RFXANK: variants seen among roughly 807,000 people sequenced by gnomAD.
RFXANK encodes the protein regulatory factor X associated ankyrin containing protein, also known as DNA-binding protein RFXANK.
A neutral mutation model predicts 34.5 loss-of-function variants in RFXANK; 19 were observed. The observed-to-expected ratio is 0.55, with a 90% CI of 0.38 to 0.81. RFXANK has a LOEUF of 0.81. Ranked by LOEUF, RFXANK falls within the 30% of genes least tolerant of loss-of-function variation. The pLI, the probability that RFXANK is intolerant of heterozygous loss-of-function variation, is 0.00. For missense variants in RFXANK, 295 were observed against 343.5 expected (o/e 0.86, Z 1.12); for synonymous variants, 154 against 149.8 (o/e 1.03, Z -0.20).
chr19:19,196,915 C>T (rs950154435), intron 3 of RFXANK, 48 bp from the exon 4 acceptor site: 1 of 1,533,196 alleles, frequency 6.5e-7, no homozygotes, highest in Non-Finnish European at 9.0e-7. Flanking sequence ...CCTGAAGCCT[C>T]AGAGACATCT....
rs1448099085 is a variant in RFXANK, at chr19:19,198,090, C to A, written c.439-17C>A. The A allele has an allele frequency of 1.9e-6, 3 of 1,613,652 alleles. No individual in the cohort carries two copies. The highest frequency in any genetic ancestry group is 1.7e-6 in the Non-Finnish European group (2 of 1,180,006). On this transcript the variant is annotated splice_polypyrimidine_tract_variant and intron_variant, in intron 6 of 9. Transcript: ENST00000303088. Reference sequence around the variant, plus strand: ...TGCCCCAATCCATCCTACCACTGTCCCTTCTTCTCCCTGCAGGGTGCCGAC... The same window carrying A: ...TGCCCCAATCCATCCTACCACTGTCACTTCTTCTCCCTGCAGGGTGCCGAC...
At chr19:19,199,902 T>G (rs960794964) in intron 9 of RFXANK, among the ~76,000 whole-genome samples, 58 of 152,180 alleles carry the variant, frequency 3.8e-4, no homozygotes, top group African/African-American at 1.3e-3. Flanking sequence ...ATGGTAGAGA[T>G]GGGGTGCTTA....
Position 19,194,152 on chromosome 19 carries a change from G to T in RFXANK, c.187+19G>T, listed in dbSNP as rs1465042264. The stretch of plus-strand genomic sequence containing the variant: ...CCACAGGGTAGGATACCTCCTCTGG[G>T]ATTAGCCCTCTGGGATTCCATGATG... On this transcript the variant is annotated intron_variant, in intron 3 of 9. Coordinates refer to ENST00000303088, the MANE Select transcript of RFXANK (RefSeq NM_003721.4). 6.2e-7 allele frequency: 1 copy of T among 1,612,446 alleles called. No homozygotes were observed. Among genetic ancestry groups the T allele is most frequent in the East Asian group, 2.2e-5 (1 of 44,894 alleles).
At position 19,201,816 on chromosome 19, in the gene RFXANK, T is replaced by A; in HGVS notation, c.*97T>A. 6.2e-7 allele frequency: 1 copy of A among 1,612,154 alleles called. No homozygotes were observed. The highest frequency in any genetic ancestry group is 8.5e-7 in the Non-Finnish European group (1 of 1,179,084). Reference sequence around the variant, plus strand: ...ACTTCAAAGGCAGCTTCTGGACAGGTGGTGGGAGGGGACCCTTCCCAAGAG... The same window carrying A: ...ACTTCAAAGGCAGCTTCTGGACAGGAGGTGGGAGGGGACCCTTCCCAAGAG... On this transcript the variant is annotated 3_prime_UTR_variant, in exon 10 of 10. Transcript: ENST00000303088.
At position 19,201,706 on chromosome 19, in the gene RFXANK, C is replaced by T; in HGVS notation, c.770C>T (p.Ala257Val). Reference sequence around the variant, plus strand: ...CTCTTCCAGAGCAACCTGGTGCCCGCTGACCCTGAGTGAAGGCCGCCTGCC... The same window carrying T: ...CTCTTCCAGAGCAACCTGGTGCCCGTTGACCCTGAGTGAAGGCCGCCTGCC... ...LKLFQSNLVP[A>V]DPE is the part of the protein sequence containing the mutation. Residue 257 changes from alanine to valine, a missense_variant, in exon 10 of 10, where the codon GCT becomes GTT. Coordinates refer to ENST00000303088, the MANE Select transcript of RFXANK (RefSeq NM_003721.4). 6.2e-7 allele frequency: 1 copy of T among 1,614,134 alleles called. No homozygotes were observed. The highest frequency in any genetic ancestry group is 8.5e-7 in the Non-Finnish European group (1 of 1,180,024).
rs1568586226 is a variant in RFXANK, at chr19:19,201,748, A to C, written c.*29A>C. The stretch of plus-strand genomic sequence containing the variant: ...CCGCCTGCCGGGGACTCAGACACTC[A>C]GGGAACAAAATGGTCAGCCAGAGCT... On this transcript the variant is annotated 3_prime_UTR_variant, in exon 10 of 10. Coordinates refer to ENST00000303088, the MANE Select transcript of RFXANK (RefSeq NM_003721.4). 1 of 1,613,734 alleles carries C rather than the reference A, an allele frequency of 6.2e-7. No individual in the cohort carries two copies. The highest frequency in any genetic ancestry group is 1.7e-5 in the Admixed American group (1 of 60,022).
chr19:19,194,178 A>T lies in RFXANK; in HGVS notation c.187+45A>T, dbSNP rs757159577. ...ATTAGCCCTCTGGGATTCCATGATG[A>T]TGGAATGTCAGGCCTCACATGGAAC... On this transcript the variant is annotated intron_variant, in intron 3 of 9. Transcript: ENST00000303088. 6.3e-6 allele frequency: 10 copies of T among 1,583,632 alleles called. No homozygotes were observed. In the African/African-American group the frequency reaches 1.2e-4, roughly 19 times the overall value.
In RFXANK at chr19:19,199,219, C is replaced by T. The variant is rs1275431016; in HGVS notation, c.697C>T (p.Leu233=). The T allele has an allele frequency of 1.2e-6, 2 of 1,614,020 alleles. No individual in the cohort carries two copies. The highest frequency in any genetic ancestry group is 1.3e-5 in the African/African-American group (1 of 74,942). ...GYTPMDLAVA[L]GYRKVQQVIE... ...CACCCCGATGGACCTTGCCGTGGCC[C>T]TGGGATACCGGAAAGGTCAGCCTGA... The change falls in exon 9 of 10, where the codon CTG becomes TTG. Residue 233 remains leucine, a synonymous_variant. Transcript: ENST00000303088.
intron 2 of RFXANK, 81 bp from the exon 3 acceptor site, chr19:19,193,858 G>C: frequency 6.7e-7 from 1 of 1,491,238 alleles, no homozygotes; most frequent in Middle Eastern, 1.8e-4. Context: ...CACAGTGCAA[G>C]GCTAGGTATG....
At chr19:19,200,542 G>A (rs1279527837) in intron 9 of RFXANK, among the ~76,000 whole-genome samples, 2 of 151,526 alleles carry the variant, frequency 1.3e-5, no homozygotes, top group Non-Finnish European at 2.9e-5. Context: ...AAACTCCTGG[G>A]CTCAAGTGAT....
At chr19:19,199,032 C>A in intron 8 of RFXANK, 122 bp from the exon 9 acceptor site, 2 of 1,001,192 alleles carry the variant, frequency 2.0e-6, no homozygotes, top group Non-Finnish European at 3.1e-6. Flanking sequence ...GCCACATGGG[C>A]AACGGGCAGA....
In RFXANK at chr19:19,194,105, A is replaced by G; in HGVS notation, c.159A>G (p.Glu53=). The change falls in exon 3 of 10, where the codon GAA becomes GAG. Residue 53 remains glutamate (E), a synonymous_variant. Transcript: ENST00000303088. ...FPCTPEPVNP[E]PDASVSSPQA... ...GCACCCCTGAGCCTGTGAATCCTGA[A>G]CCGGATGCCAGTGTTTCCTCTCCAC... 1 of 1,614,130 alleles carries G rather than the reference A, an allele frequency of 6.2e-7. No homozygotes were observed. Among genetic ancestry groups the G allele is most frequent in the South Asian group, 1.1e-5 (1 of 91,086 alleles).
chr19:19,196,898 C>T (rs2060608245), intron 3 of RFXANK, 65 bp from the exon 4 acceptor site: 5 of 1,419,784 alleles, frequency 3.5e-6, no homozygotes, highest in South Asian at 2.3e-5. Context: ...AACAGATGGG[C>T]TTCTGTCCTG....
chr19:19,193,861 T>C, intron 2 of RFXANK, 78 bp from the exon 3 acceptor site: 1 of 1,498,594 alleles, frequency 6.7e-7, no homozygotes, highest in Non-Finnish European at 9.2e-7. Flanking sequence ...AGTGCAAGGC[T>C]AGGTATGCAG....
At position 19,199,593 on chromosome 19, in the gene RFXANK, G is replaced by A. The variant is rs561917531; in HGVS notation, c.712+359G>A. On this transcript the variant is annotated intron_variant, in intron 9 of 9. Coordinates refer to ENST00000303088, the MANE Select transcript of RFXANK (RefSeq NM_003721.4). ...GTTGAGACCCCGAGAAGTGAGGTGG[G>A]CCCAGCCCTGGGATGGGGAGGTCAG... Among the ~76,000 whole-genome samples, 8 of 152,214 alleles carry A rather than the reference G, an allele frequency of 5.3e-5. No individual in the cohort carries two copies. The South Asian group carries it at 1.7e-3, about 32-fold the overall frequency.
rs1283460658 is a variant in RFXANK at position 19,192,309 on chromosome 19, G to A, written c.-395G>A. Reference sequence around the variant, plus strand: ...GAGACGCAGGGAAGGAGGCACACCCGGGGGTGGCGCAGTGAGGAGGGGGCG... The same window carrying A: ...GAGACGCAGGGAAGGAGGCACACCCAGGGGTGGCGCAGTGAGGAGGGGGCG... On this transcript the variant is annotated 5_prime_UTR_variant, in exon 1 of 10. Coordinates refer to ENST00000303088, the MANE Select transcript of RFXANK (RefSeq NM_003721.4). 7.0e-6 allele frequency: 5 copies of A among 712,972 alleles called. No homozygotes were observed. Among genetic ancestry groups the A allele is most frequent in the South Asian group, 5.7e-5 (3 of 52,948 alleles). The allele number at this position is 712,972 out of a possible 1,614,324, so 44.2% of individuals were successfully genotyped here. A position where few individuals can be genotyped will look rare whatever the true frequency, so the allele number is the denominator to read the frequency against.
chr19:19,199,222 G>T lies in RFXANK; in HGVS notation c.700G>T (p.Gly234Ter). ...YTPMDLAVAL[G>*]YRKVQQVIEN... ...CCCGATGGACCTTGCCGTGGCCCTGGGATACCGGAAAGGTCAGCCTGAGAC... is the reference window on the plus strand; with the variant it reads ...CCCGATGGACCTTGCCGTGGCCCTGTGATACCGGAAAGGTCAGCCTGAGAC... The change falls in exon 9 of 10, where the codon GGA (glycine) becomes TGA (stop). Residue 234 changes from glycine to a stop codon, truncating the protein, a stop_gained. Coordinates refer to ENST00000303088, the MANE Select transcript of RFXANK (RefSeq NM_003721.4). LOFTEE classifies it high-confidence loss of function. 6.2e-7 allele frequency: 1 copy of T among 1,614,118 alleles called. No individual in the cohort carries two copies. Among genetic ancestry groups the T allele is most frequent in the Non-Finnish European group, 8.5e-7 (1 of 1,180,034 alleles).
chr19:19,194,054 C>G lies in RFXANK; in HGVS notation c.108C>G (p.Asp36Glu), dbSNP rs1173014899. 6.2e-7 allele frequency: 1 copy of G among 1,614,060 alleles called. No homozygotes were observed. The highest frequency in any genetic ancestry group is 1.3e-5 in the African/African-American group (1 of 74,924). ...GAGAGGAGGCTGCAGATGGCTCAGACACTGTGGTCCTCAGTCTCTTTCCCT... is the reference window on the plus strand; with the variant it reads ...GAGAGGAGGCTGCAGATGGCTCAGAGACTGTGGTCCTCAGTCTCTTTCCCT... ...DPGEEAADGS[D>E]TVVLSLFPCT... Residue 36 changes from aspartate to glutamate, a missense_variant, in exon 3 of 10, where the codon GAC (aspartate) becomes GAG (glutamate). By Grantham distance (45) the Asp-to-Glu change is conservative. Transcript: ENST00000303088.
intron 3 of RFXANK, among the ~76,000 whole-genome samples, chr19:19,195,308 C>T (rs2060580664): frequency 7.2e-6 from 1 of 139,056 alleles, no homozygotes; most frequent in Non-Finnish European, 1.5e-5. Flanking sequence ...ACTCTCGAGA[C>T]GCCTCCTGGA....
Sources: gnomAD v4.1 joint callset for allele counts (sites outside exome capture counted in the v4.1 genomes callset) on GRCh38, gnomAD v4.1.1 for gene constraint, MANE v1.5 for transcripts, NCBI Gene and HGNC (gene_info 2026-07-23, HGNC 2026-07-21) for gene names.